SPTLC2: variants seen among roughly 807,000 people sequenced by gnomAD.
SPTLC2 encodes serine palmitoyltransferase 2.
A neutral mutation model predicts 62.0 loss-of-function variants in SPTLC2; 21 were observed. That is an observed-to-expected ratio of 0.34 (90% CI 0.24 to 0.49). The LOEUF is 0.49. SPTLC2 is among the 20% of genes least tolerant of loss of function. The pLI is 0.99. For missense variants in SPTLC2, 511 were observed against 713.0 expected (o/e 0.72, Z 3.23); for synonymous variants, 261 against 261.8 (o/e 1.00, Z 0.03).
intron 5 of SPTLC2, among the ~76,000 whole-genome samples, chr14:77,569,836 A>ATTATATATTTTTATTATAT: frequency 2.9e-5 from 1 of 34,900 alleles, no homozygotes; most frequent in Middle Eastern, 0.012. Context: ...TATATATAAT[A>ATTATATATTTTTATTATAT]TACAATATTA....
intron 1 of SPTLC2, among the ~76,000 whole-genome samples, chr14:77,599,767 T>G (rs1025972788): frequency 6.6e-6 from 1 of 152,208 alleles, no homozygotes; most frequent in East Asian, 1.9e-4. Flanking sequence ...TGAGCCAATA[T>G]CTTAAGGCAG....
At chr14:77,569,892 T>C (rs1186567283) in intron 5 of SPTLC2, among the ~76,000 whole-genome samples, 1 of 118,872 alleles carries the variant, frequency 8.4e-6, no homozygotes, top group Admixed American at 8.9e-5. Context: ...CTCAAACTCC[T>C]GACCTCAGGT....
intron 9 of SPTLC2, 72 bp from the exon 10 acceptor site, chr14:77,521,653 C>T: frequency 1.5e-6 from 2 of 1,357,394 alleles, no homozygotes; most frequent in Non-Finnish European, 2.1e-6. Flanking sequence ...AGTAAATCTC[C>T]TCTATCTCCA....
intron 9 of SPTLC2, among the ~76,000 whole-genome samples, chr14:77,549,162 G>A (rs1434609233): frequency 6.6e-5 from 10 of 150,976 alleles, no homozygotes; most frequent in Non-Finnish European, 1.5e-4. Context: ...GTGAGTTCTC[G>A]CTCTGAGTTC....
chr14:77,582,382 C>G (rs1362809006), intron 2 of SPTLC2, among the ~76,000 whole-genome samples: 1 of 152,120 alleles, frequency 6.6e-6, no homozygotes, highest in East Asian at 1.9e-4. Flanking sequence ...TCTTTCTAAA[C>G]ACTGCACATT....
chr14:77,531,791 C>T (rs1026248654), intron 9 of SPTLC2, among the ~76,000 whole-genome samples: 5 of 152,016 alleles, frequency 3.3e-5, no homozygotes, highest in East Asian at 1.9e-4. Flanking sequence ...GGATTACAGG[C>T]GTGAGCCACT....
intron 9 of SPTLC2, among the ~76,000 whole-genome samples, chr14:77,543,199 A>T (rs533778135): frequency 6.6e-6 from 1 of 152,256 alleles, no homozygotes; most frequent in East Asian, 1.9e-4. Context: ...ACAGGCGTGC[A>T]CCACCACACC....
At chr14:77,513,016 CTTTTTTTTTT>C (rs1190713237) in intron 11 of SPTLC2, among the ~76,000 whole-genome samples, 25 of 62,828 alleles carry the variant, frequency 4.0e-4, no homozygotes, top group South Asian at 3.1e-3. Flanking sequence ...AACCCAGCAA[CTTTTTTTTTT>C]TTTTTTTTTT....
rs577069180 is a variant in SPTLC2, at chr14:77,518,030, C to T, written c.1569+8G>A. 3.1e-6 allele frequency: 5 copies of T among 1,614,014 alleles called. No homozygotes were observed. In the Middle Eastern group the frequency reaches 4.9e-4, roughly 159 times the overall value. On this transcript the variant is annotated splice_region_variant and intron_variant, in intron 11 of 11. Transcript: ENST00000216484. ...CATATTTATATCAAGGTGAAAGTGCCTACTTACAGTATCAAGTATTTCTTT... is the reference window on the plus strand; with the variant it reads ...CATATTTATATCAAGGTGAAAGTGCTTACTTACAGTATCAAGTATTTCTTT...
intron 1 of SPTLC2, among the ~76,000 whole-genome samples, chr14:77,613,446 T>C (rs1444465497): frequency 2.0e-5 from 3 of 152,246 alleles, no homozygotes; most frequent in East Asian, 1.9e-4. Flanking sequence ...ACTGTTACTA[T>C]TGTGAAAACT....
chr14:77,513,015 A>ATTTTTTTTTT (rs1594965084), intron 11 of SPTLC2, among the ~76,000 whole-genome samples: 5 of 38,818 alleles, frequency 1.3e-4, no homozygotes, highest in Admixed American at 8.6e-4. Flanking sequence ...GAACCCAGCA[A>ATTTTTTTTTT]CTTTTTTTTT....
chr14:77,576,652 C>A, intron 4 of SPTLC2, 115 bp downstream of exon 4: 1 of 1,434,352 alleles, frequency 7.0e-7, no homozygotes, highest in South Asian at 1.2e-5. Context: ...TTCACCTTAT[C>A]TAAATGACAT....
rs183710384 is a variant in SPTLC2, at chr14:77,523,847, T to C, written c.1304-2266A>G. 1.4e-3 allele frequency among the ~76,000 whole-genome samples: 219 copies of C among 152,208 alleles called. 1 individual carries two copies. The highest frequency in any genetic ancestry group is 4.9e-3 in the African/African-American group (205 of 41,560). ...TGATTCCAAGAACAAAGTCCAACATTACCTAAAGGAAAACAACAAGATATA... is the reference window on the plus strand; with the variant it reads ...TGATTCCAAGAACAAAGTCCAACATCACCTAAAGGAAAACAACAAGATATA... On this transcript the variant is annotated intron_variant, in intron 9 of 11. Transcript: ENST00000216484.
intron 9 of SPTLC2, among the ~76,000 whole-genome samples, chr14:77,536,557 A>C (rs2079471964): frequency 6.6e-6 from 1 of 152,172 alleles, no homozygotes; most frequent in African/African-American, 2.4e-5. Context: ...TCATCACTCA[A>C]AAAGAAACCA....
intron 1 of SPTLC2, among the ~76,000 whole-genome samples, chr14:77,611,601 G>A (rs541568413): frequency 2.8e-4 from 42 of 152,246 alleles, no homozygotes; most frequent in African/African-American, 9.4e-4. Context: ...GGAGGCAGGT[G>A]GATCACCTGA....
intron 10 of SPTLC2, among the ~76,000 whole-genome samples, 197 bp from the exon 11 acceptor site, chr14:77,518,364 C>T (rs1254566751): frequency 6.6e-6 from 1 of 152,144 alleles, no homozygotes; most frequent in Non-Finnish European, 1.5e-5. Context: ...AAGCAGTCTT[C>T]TCCTATATGG....
At chr14:77,533,506 C>T (rs1485057697) in intron 9 of SPTLC2, among the ~76,000 whole-genome samples, 1 of 152,110 alleles carries the variant, frequency 6.6e-6, no homozygotes, top group Non-Finnish European at 1.5e-5. Flanking sequence ...GTTTTGACTT[C>T]ATTTTAAAAG....
At chr14:77,549,034 T>A (rs1247881169) in intron 9 of SPTLC2, among the ~76,000 whole-genome samples, 2 of 152,116 alleles carry the variant, frequency 1.3e-5, no homozygotes, top group African/African-American at 4.8e-5. Flanking sequence ...ATGGTTTGGA[T>A]GTTTGTCCAT....
At chr14:77,529,620 C>CTTTCTTTCTTTTTTTTTT (rs1555373703) in intron 9 of SPTLC2, among the ~76,000 whole-genome samples, 3 of 76,048 alleles carry the variant, frequency 3.9e-5, no homozygotes, top group Admixed American at 1.6e-4. Flanking sequence ...TTCTTTCTTT[C>CTTTCTTTCTTTTTTTTTT]TTTTTTTTTT....
Sources: gnomAD v4.1 joint callset for allele counts (sites outside exome capture counted in the v4.1 genomes callset) on GRCh38, gnomAD v4.1.1 for gene constraint, MANE v1.5 for transcripts, NCBI Gene and HGNC (gene_info 2026-07-23, HGNC 2026-07-21) for gene names.